The following PXDN variants were observed in gnomAD, a reference collection of about 807,000 sequenced individuals.
PXDN encodes peroxidasin, also known as peroxidasin homolog.
PXDN carries 77 observed loss-of-function variants against 140.3 expected under a neutral mutation model. That is an observed-to-expected ratio of 0.55 (90% CI 0.46 to 0.66). The LOEUF (loss-of-function observed/expected upper bound fraction) is 0.66. Among genes scored for constraint, PXDN ranks in the 30% least tolerant of loss-of-function variants. PXDN has a pLI of 0.00. For missense variants in PXDN, 1,838 were observed against 2,039.5 expected (o/e 0.90, Z 1.90); for synonymous variants, 911 against 857.4 (o/e 1.06, Z -1.09).
At chr2:1,681,548 C>A (rs1683906784) in intron 6 of PXDN, among the ~76,000 whole-genome samples, 1 of 151,644 alleles carries the variant, frequency 6.6e-6, no homozygotes, top group South Asian at 2.1e-4. Flanking sequence ...TCTCTAGGGG[C>A]CGACGCTGGC....
Position 1,723,838 on chromosome 2 carries a change from C to T in PXDN, c.200+20418G>A, listed in dbSNP as rs189974774. Among the ~76,000 whole-genome samples, 220 of 152,216 alleles carry T rather than the reference C, an allele frequency of 1.4e-3. 4 individuals are homozygous for T. The highest frequency in any genetic ancestry group is 0.014 in the Admixed American group (209 of 15,286). On this transcript the variant is annotated intron_variant, in intron 1 of 22. Coordinates refer to ENST00000252804, the MANE Select transcript of PXDN (RefSeq NM_012293.3). Reference sequence around the variant, plus strand: ...ACAAATGTTCAAGACTAACATCAGCCGCCTGTTGCCATGCCAATACAAACA... The same window carrying T: ...ACAAATGTTCAAGACTAACATCAGCTGCCTGTTGCCATGCCAATACAAACA...
chr2:1,642,234 C>T (rs1682744297), intron 19 of PXDN, among the ~76,000 whole-genome samples: 1 of 152,086 alleles, frequency 6.6e-6, no homozygotes, highest in Non-Finnish European at 1.5e-5. Context: ...CAGGTACACA[C>T]ACTCCACACA....
Position 1,648,592 on chromosome 2 carries a change from T to A in PXDN, c.3188A>T (p.Asn1063Ile). The A allele has an allele frequency of 6.2e-7, 1 of 1,609,034 alleles. No individual in the cohort carries two copies. Among genetic ancestry groups the A allele is most frequent in the Non-Finnish European group, 8.5e-7 (1 of 1,178,460 alleles). Residue 1063 changes from asparagine (N) to isoleucine (I), a missense_variant, in exon 17 of 23, where the codon AAC becomes ATC. Physicochemically the swap from Asn to Ile is moderately radical, Grantham distance 149 (BLOSUM62 -3). Coordinates refer to ENST00000252804, the MANE Select transcript of PXDN (RefSeq NM_012293.3). The surrounding 1 kb of genome is among the most constrained non-coding windows in gnomAD (Gnocchi z 8.9). Reference sequence around the variant, plus strand: ...CCTGAAGGCCGCGGTGGCGAAGGCGTTGAAGATGCCAGCATTGATGCCGGG... The same window carrying A: ...CCTGAAGGCCGCGGTGGCGAAGGCGATGAAGATGCCAGCATTGATGCCGGG... ...YDPGINAGIF[N>I]AFATAAFRFG...
intron 1 of PXDN, among the ~76,000 whole-genome samples, chr2:1,704,393 GGGGCAACTCCAGGTGAAGGA>G (rs1684533267): frequency 3.4e-5 from 2 of 59,068 alleles, no homozygotes; most frequent in African/African-American, 1.4e-4. Context: ...GGTGAAGGGG[GGGGCAACTCCAGGTGAAGGA>G]GGGCAACTCC....
chr2:1,685,400 T>C lies in PXDN; in HGVS notation c.417-1249A>G, dbSNP rs1179167226. On this transcript the variant is annotated intron_variant, in intron 4 of 22. Transcript: ENST00000252804. This position sits in a 1 kb window ranked among gnomAD's most constrained non-coding sequence, Gnocchi z 5.1. ...GGAAGGCCGAACCCGACAGAATCCC[T>C]GGAGCCTCGTCTCTGCCAGGCAGTG... is the stretch of plus-strand genomic sequence containing the variant. Among the ~76,000 whole-genome samples, 2 of 152,182 alleles carry C rather than the reference T, an allele frequency of 1.3e-5. No homozygotes were observed. Among genetic ancestry groups the C allele is most frequent in the Admixed American group, 1.3e-4 (2 of 15,288 alleles).
intron 9 of PXDN, 87 bp from the exon 10 acceptor site, chr2:1,666,573 T>C: frequency 7.0e-7 from 1 of 1,428,232 alleles, no homozygotes; most frequent in Non-Finnish European, 9.3e-7. Flanking sequence ...GGCTATTAAT[T>C]CTATTTACCA....
intron 1 of PXDN, among the ~76,000 whole-genome samples, chr2:1,737,647 C>T (rs1359749580): frequency 2.0e-5 from 3 of 151,920 alleles, no homozygotes; most frequent in Non-Finnish European, 2.9e-5. Flanking sequence ...TCAAGCGATT[C>T]TCCTACCTCA....
At chr2:1,673,885 G>A in intron 8 of PXDN, 73 bp from the exon 9 acceptor site, 1 of 1,531,480 alleles carries the variant, frequency 6.5e-7, no homozygotes, top group Admixed American at 1.7e-5. Flanking sequence ...CCCAGCACAG[G>A]GGTTTCCAGC....
At position 1,639,209 on chromosome 2, in the gene PXDN, C is replaced by A. The variant is rs1000004258; in HGVS notation, c.4073+93G>T. 6.5e-7 allele frequency: 1 copy of A among 1,534,878 alleles called. No homozygotes were observed. The highest frequency in any genetic ancestry group is 8.8e-7 in the Non-Finnish European group (1 of 1,137,784). ...ACGTCCCTGCCAGGAACCATCCTCG[C>A]CACAGGCCCACAGCAGGATGCCGGT... On this transcript the variant is annotated intron_variant, in intron 20 of 22. Transcript: ENST00000252804. This position sits in a 1 kb window ranked among gnomAD's most constrained non-coding sequence, Gnocchi z 5.0.
At chr2:1,729,890 T>C (rs1685274269) in intron 1 of PXDN, among the ~76,000 whole-genome samples, 2 of 152,216 alleles carry the variant, frequency 1.3e-5, no homozygotes, top group Admixed American at 1.3e-4. Flanking sequence ...AAACAAATAC[T>C]GTGTGGTCAT....
upstream of PXDN, chr2:1,744,523 C>G (rs558039947): frequency 9.4e-5 from 120 of 1,274,392 alleles, no homozygotes; most frequent in Middle Eastern, 3.0e-4. Flanking sequence ...TGCGCCCGCC[C>G]GGCCGCGGCC....
rs1682959899 is a variant in PXDN at position 1,649,486 on chromosome 2, C to T, written c.2294G>A (p.Arg765His). The T allele has an allele frequency of 1.9e-6, 3 of 1,613,856 alleles. No individual in the cohort carries two copies. The highest frequency in any genetic ancestry group is 2.2e-5 in the South Asian group (2 of 91,088). ...MWGASLTAFERLLKSVYENGF... is the reference protein window; with the variant it reads ...MWGASLTAFEHLLKSVYENGF... ...ATTCTCGTACACGGATTTCAGCAGGCGCTCGAAGGCGGTCAGCGAGGCGCC... is the reference window on the plus strand; with the variant it reads ...ATTCTCGTACACGGATTTCAGCAGGTGCTCGAAGGCGGTCAGCGAGGCGCC... The change falls in exon 17 of 23, where the codon CGC becomes CAC. Residue 765 changes from arginine (R) to histidine (H), a missense_variant. By Grantham distance (29) the Arg-to-His change is conservative (BLOSUM62 0). Transcript: ENST00000252804. This position sits in a 1 kb window ranked among gnomAD's most constrained non-coding sequence, Gnocchi z 7.1.
At chr2:1,703,011 G>T (rs1458618378) in intron 1 of PXDN, among the ~76,000 whole-genome samples, 1 of 90,368 alleles carries the variant, frequency 1.1e-5, no homozygotes, top group Non-Finnish European at 2.0e-5. Flanking sequence ...TCCAGGTGAA[G>T]GGGGGACAGC....
chr2:1,718,044 C>A, intron 1 of PXDN, among the ~76,000 whole-genome samples: 1 of 151,710 alleles, frequency 6.6e-6, no homozygotes, highest in Non-Finnish European at 1.5e-5. Context: ...ATTCTACTAA[C>A]CAACTACCCA....
chr2:1,712,226 T>C (rs906711543), intron 1 of PXDN, among the ~76,000 whole-genome samples: 1 of 152,206 alleles, frequency 6.6e-6, no homozygotes. Flanking sequence ...AGAACTACAT[T>C]ATAATTTTTA....
At position 1,648,370 on chromosome 2, in the gene PXDN, G is replaced by A. The variant is rs750668748; in HGVS notation, c.3410C>T (p.Thr1137Met). Residue 1137 changes from threonine to methionine, a missense_variant, in exon 17 of 23, where the codon ACG becomes ATG. By Grantham distance (81) the Thr-to-Met change is moderately conservative (BLOSUM62 -1). This residue lies in a region of PXDN where 850 missense variants were observed against 894.1 expected (regional missense o/e 0.95). Transcript: ENST00000252804. The surrounding 1 kb of genome is among the most constrained non-coding windows in gnomAD (Gnocchi z 8.9). ...GGAGAACAGCCGCTCCGTGAGCTCC[G>A]TGTTCAGCAGCTGCGAGGGCACACG... ...KMRVPSQLLN[T>M]ELTERLFSMA... is the part of the protein sequence containing the mutation. 3.7e-6 allele frequency: 6 copies of A among 1,613,338 alleles called. No homozygotes were observed. Among genetic ancestry groups the A allele is most frequent in the Admixed American group, 1.7e-5 (1 of 60,022 alleles).
rs1392173631 is a variant in PXDN, at chr2:1,680,322, G to A, written c.601C>T (p.Leu201=). Residue 201 remains leucine (L), a synonymous_variant, in exon 7 of 23, where the codon CTG becomes TTG. Transcript: ENST00000252804. ...SNTLHCDCEI[L]WLADLLKTYA... ...GTTTTCAGCAAATCCGCCAACCACA[G>A]GATTTCACAGTCGCAGTGAAGTGTG... 1 of 1,614,068 alleles carries A rather than the reference G, an allele frequency of 6.2e-7. No homozygotes were observed. The highest frequency in any genetic ancestry group is 8.5e-7 in the Non-Finnish European group (1 of 1,179,900).
chr2:1,690,648 C>CAAAAAAAAAAAAAAAAAAAAAA (rs35970382), intron 3 of PXDN, among the ~76,000 whole-genome samples: 3 of 68,650 alleles, frequency 4.4e-5, no homozygotes, highest in Admixed American at 3.9e-4. Flanking sequence ...TTCAAAATAC[C>CAAAAAAAAAAAAAAAAAAAAAA]AAAAAAAAAA....
intron 1 of PXDN, among the ~76,000 whole-genome samples, chr2:1,724,986 A>C (rs1414552363): frequency 6.6e-6 from 1 of 152,224 alleles, no homozygotes; most frequent in East Asian, 1.9e-4. Flanking sequence ...TAAGTCTTCT[A>C]ATCCATGAGC....
Sources: allele counts gnomAD v4.1 joint callset (sites outside exome capture counted in the v4.1 genomes callset), GRCh38; gene constraint gnomAD v4.1.1; regional missense constraint gnomAD v4.1.1; non-coding constraint Gnocchi (gnomAD v3.1); transcripts MANE v1.5; gene names NCBI Gene and HGNC (gene_info 2026-07-23, HGNC 2026-07-21).